DTWD2: variants seen among roughly 807,000 people sequenced by gnomAD.
DTWD2 encodes DTW motif tRNA-uridine aminocarboxypropyltransferase 2, also known as tRNA-uridine aminocarboxypropyltransferase 2.
DTWD2 carries 39 observed loss-of-function variants against 31.8 expected under a neutral mutation model. The observed-to-expected ratio is 1.22, with a 90% CI of 0.95 to 1.60. DTWD2 has a LOEUF of 1.60. DTWD2 is among the 40% of genes most tolerant of loss of function. The pLI is 0.00. For synonymous variants in DTWD2, 180 were observed against 142.8 expected (o/e 1.26, Z -1.86); for missense variants, 515 against 381.5 (o/e 1.35, Z -2.92).
rs1277288863 is a variant in DTWD2, at chr5:118,840,944, T to C, written c.870A>G (p.Glu290=). 9 of 1,613,536 alleles carry C rather than the reference T, an allele frequency of 5.6e-6. No homozygotes were observed. The highest frequency in any genetic ancestry group is 2.7e-5 in the African/African-American group (2 of 74,912). ...PKNKRKLRKM[E]LLMNSVKI is the part of the protein sequence containing the mutation. ...AAATTTTAACACTATTCATTAACAA[T>C]TCCATTTTCCTGAGTTTGCGTTTGT... Residue 290 remains glutamate (E), a synonymous_variant, in exon 6 of 6, where the codon GAA becomes GAG. Coordinates refer to ENST00000510708, the MANE Select transcript of DTWD2 (RefSeq NM_173666.4).
chr5:118,967,936 G>C (rs193033753), intron 1 of DTWD2, among the ~76,000 whole-genome samples: 1 of 152,142 alleles, frequency 6.6e-6, no homozygotes, highest in Non-Finnish European at 1.5e-5. Context: ...GGGAACAGGA[G>C]TAACTGCATA....
chr5:118,918,208 T>G (rs1000422097), intron 4 of DTWD2, among the ~76,000 whole-genome samples: 1 of 152,244 alleles, frequency 6.6e-6, no homozygotes, highest in Non-Finnish European at 1.5e-5. Flanking sequence ...TTTTGTTTGT[T>G]CTTCTAAATA....
intron 4 of DTWD2, among the ~76,000 whole-genome samples, chr5:118,915,787 A>G (rs907488891): frequency 7.9e-5 from 12 of 152,216 alleles, no homozygotes; most frequent in African/African-American, 2.9e-4. Context: ...GTAAAAGAGT[A>G]AGTGGCTGAT....
chr5:118,973,005 T>A (rs1755023679), intron 1 of DTWD2, among the ~76,000 whole-genome samples: 1 of 152,204 alleles, frequency 6.6e-6, no homozygotes, highest in Non-Finnish European at 1.5e-5. Flanking sequence ...GTCTTTTTTT[T>A]ATCTTTGTTG....
chr5:118,845,370 C>G (rs1751826926), intron 5 of DTWD2, among the ~76,000 whole-genome samples: 3 of 152,250 alleles, frequency 2.0e-5, no homozygotes, highest in South Asian at 2.1e-4. Context: ...CACAAAGATG[C>G]TAATTTATTA....
chr5:118,840,134 G>T lies in DTWD2; in HGVS notation c.*783C>A, dbSNP rs187635645. 76 of 152,208 alleles carry T rather than the reference G, an allele frequency of 5.0e-4. No homozygotes were observed. The highest frequency in any genetic ancestry group is 1.7e-3 in the African/African-American group (72 of 41,528). 9.4% of individuals were successfully genotyped at this position (152,208 alleles called of 1,614,324 possible). A position where few individuals can be genotyped will look rare whatever the true frequency, so the allele number is the denominator to read the frequency against. ...ATGGAAAGTTTTTGCTCGTTAAAAA[G>T]GTTATATTAAATAGCCCTAAAGAAA... On this transcript the variant is annotated 3_prime_UTR_variant, in exon 6 of 6. Coordinates refer to ENST00000510708, the MANE Select transcript of DTWD2 (RefSeq NM_173666.4).
intron 4 of DTWD2, among the ~76,000 whole-genome samples, chr5:118,874,576 A>T (rs1752580375): frequency 6.6e-6 from 1 of 152,222 alleles, no homozygotes; most frequent in Non-Finnish European, 1.5e-5. Flanking sequence ...CAAAAGTATT[A>T]ACAGCAGAAC....
chr5:118,959,772 A>G (rs1754666676), intron 1 of DTWD2, among the ~76,000 whole-genome samples: 1 of 152,146 alleles, frequency 6.6e-6, no homozygotes, highest in Non-Finnish European at 1.5e-5. Context: ...GATTAATGGT[A>G]CAGAATAGAG....
chr5:118,978,991 G>C (rs138143610), intron 1 of DTWD2, among the ~76,000 whole-genome samples: 33 of 151,408 alleles, frequency 2.2e-4, no homozygotes, highest in African/African-American at 8.0e-4. Context: ...GGGTTACACA[G>C]TGGGACTCCA....
At chr5:118,861,936 C>A (rs1752268835) in intron 4 of DTWD2, among the ~76,000 whole-genome samples, 10 of 152,076 alleles carry the variant, frequency 6.6e-5, no homozygotes, top group Admixed American at 6.6e-4. Context: ...CCAGGCAGAG[C>A]GAGTAACAAC....
chr5:118,946,402 C>T (rs1191953141), intron 1 of DTWD2, among the ~76,000 whole-genome samples: 1 of 152,052 alleles, frequency 6.6e-6, no homozygotes, highest in East Asian at 1.9e-4. Context: ...ACAAACAGAT[C>T]GAGGACTGCT....
intron 3 of DTWD2, among the ~76,000 whole-genome samples, chr5:118,933,596 C>T (rs1753972527): frequency 6.6e-6 from 1 of 152,014 alleles, no homozygotes; most frequent in African/African-American, 2.4e-5. Context: ...TGACAAAACC[C>T]AAAGCCCACT....
At chr5:118,880,996 T>C (rs979832334) in intron 4 of DTWD2, among the ~76,000 whole-genome samples, 18 of 152,236 alleles carry the variant, frequency 1.2e-4, no homozygotes, top group Admixed American at 1.0e-3. Flanking sequence ...TCTTAACTGA[T>C]TAGTAACTTC....
At chr5:118,941,227 G>A (rs1388683530) in intron 2 of DTWD2, among the ~76,000 whole-genome samples, 1 of 151,992 alleles carries the variant, frequency 6.6e-6, no homozygotes, top group Non-Finnish European at 1.5e-5. Context: ...TGCACAATGT[G>A]CAGATTTGTT....
chr5:118,930,497 G>A (rs746565640), intron 3 of DTWD2, among the ~76,000 whole-genome samples: 38 of 151,792 alleles, frequency 2.5e-4, no homozygotes, highest in Non-Finnish European at 3.1e-4. Context: ...TCTTAGATTC[G>A]TCAGAGAATT....
intron 4 of DTWD2, among the ~76,000 whole-genome samples, chr5:118,927,239 G>T (rs1479749008): frequency 6.6e-6 from 1 of 150,510 alleles, no homozygotes; most frequent in Non-Finnish European, 1.5e-5. Context: ...GGAAGTTAGG[G>T]CTCCAATATA....
intron 1 of DTWD2, among the ~76,000 whole-genome samples, chr5:118,970,364 T>C (rs919136759): frequency 2.6e-5 from 4 of 152,170 alleles, no homozygotes; most frequent in Admixed American, 6.5e-5. Context: ...GAGGTGGAGA[T>C]TGCAGTGAAC....
intron 4 of DTWD2, among the ~76,000 whole-genome samples, chr5:118,875,020 A>G (rs1752590156): frequency 6.6e-6 from 1 of 152,188 alleles, no homozygotes; most frequent in African/African-American, 2.4e-5. Context: ...CTCTCCACAG[A>G]AACTGTACAA....
chr5:118,900,991 C>A, intron 4 of DTWD2, among the ~76,000 whole-genome samples: 1 of 150,748 alleles, frequency 6.6e-6, no homozygotes, highest in African/African-American at 2.4e-5. Context: ...TGGAGGTAAT[C>A]AGTGATAATG....
Sources: gnomAD v4.1 joint callset for allele counts (sites outside exome capture counted in the v4.1 genomes callset) on GRCh38, gnomAD v4.1.1 for gene constraint, MANE v1.5 for transcripts, NCBI Gene and HGNC (gene_info 2026-07-23, HGNC 2026-07-21) for gene names.